XKR6: variants seen among roughly 807,000 people sequenced by gnomAD.
The protein encoded by XKR6 is XK-related protein 6.
Under a neutral mutation model 56.7 loss-of-function variants are expected in XKR6, and 22 were observed. The ratio of observed to expected loss-of-function variants is 0.39; its 90% CI spans 0.28 to 0.55. XKR6 has a LOEUF of 0.55. Ranked by LOEUF, XKR6 falls within the 20% of genes least tolerant of loss-of-function variation. XKR6 has a pLI of 0.66. For synonymous variants in XKR6, 524 were observed against 387.8 expected (o/e 1.35, Z -4.13); for missense variants, 852 against 889.0 (o/e 0.96, Z 0.53).
intron 2 of XKR6, among the ~76,000 whole-genome samples, chr8:10,911,562 CTATA>C: frequency 7.7e-6 from 1 of 130,300 alleles, no homozygotes; most frequent in East Asian, 2.2e-4. Flanking sequence ...GAGAGAATAT[CTATA>C]TATATATAGA....
At chr8:10,946,768 G>T (rs769859301) in intron 1 of XKR6, among the ~76,000 whole-genome samples, 3 of 152,154 alleles carry the variant, frequency 2.0e-5, no homozygotes, top group Non-Finnish European at 4.4e-5. Flanking sequence ...CAGACCAGTG[G>T]AGGAGACACG....
intron 2 of XKR6, among the ~76,000 whole-genome samples, chr8:10,909,810 ACT>A (rs1800296218): frequency 6.6e-6 from 1 of 152,158 alleles, no homozygotes; most frequent in African/African-American, 2.4e-5. Context: ...TGTATGCCAG[ACT>A]CTGTGCATAT....
At chr8:11,017,763 A>C (rs1798659553) in intron 1 of XKR6, among the ~76,000 whole-genome samples, 1 of 152,060 alleles carries the variant, frequency 6.6e-6, no homozygotes, top group Non-Finnish European at 1.5e-5. Flanking sequence ...AAGAAGAAAA[A>C]CCACATCAGT....
At chr8:10,928,712 G>C (rs1430023329) in intron 1 of XKR6, among the ~76,000 whole-genome samples, 1 of 151,028 alleles carries the variant, frequency 6.6e-6, no homozygotes, top group East Asian at 1.9e-4. Flanking sequence ...TGCAAGCCCA[G>C]AGGTGCGCTC....
intron 1 of XKR6, among the ~76,000 whole-genome samples, chr8:11,121,950 C>G (rs1799479479): frequency 6.6e-6 from 1 of 152,184 alleles, no homozygotes; most frequent in Non-Finnish European, 1.5e-5. Flanking sequence ...AAACCATATA[C>G]CACATGTTCT....
At chr8:10,941,914 G>T (rs1444587280) in intron 1 of XKR6, among the ~76,000 whole-genome samples, 1 of 151,608 alleles carries the variant, frequency 6.6e-6, no homozygotes, top group African/African-American at 2.4e-5. Flanking sequence ...CAGCAGCCAG[G>T]CCTGTGGGCT....
At chr8:10,968,154 C>T (rs1373705529) in intron 1 of XKR6, among the ~76,000 whole-genome samples, 1 of 152,186 alleles carries the variant, frequency 6.6e-6, no homozygotes, top group African/African-American at 2.4e-5. Context: ...GTCGCCTCTC[C>T]ATTCCTGGCC....
intron 1 of XKR6, chr8:11,107,920 C>A: frequency 3.9e-6 from 1 of 254,232 alleles, no homozygotes; most frequent in Non-Finnish European, 7.6e-6. Context: ...CTGCCTGGGA[C>A]GCCTCCCGCA....
At chr8:10,992,556 T>C (rs1258691471) in intron 1 of XKR6, among the ~76,000 whole-genome samples, 1 of 152,206 alleles carries the variant, frequency 6.6e-6, no homozygotes, top group Non-Finnish European at 1.5e-5. Flanking sequence ...CCTGCAAACC[T>C]TGCAGACAGA....
intron 1 of XKR6, among the ~76,000 whole-genome samples, chr8:10,996,869 G>A (rs1013258921): frequency 1.8e-4 from 28 of 152,130 alleles, no homozygotes; most frequent in Admixed American, 1.8e-3. Flanking sequence ...TCAGGAGGGT[G>A]AGGCAGGAGG....
intron 1 of XKR6, among the ~76,000 whole-genome samples, chr8:11,119,920 A>T (rs547763771): frequency 6.6e-6 from 1 of 152,214 alleles, no homozygotes; most frequent in Non-Finnish European, 1.5e-5. Context: ...TATAAACAGA[A>T]CCAAAGACAA....
At chr8:11,108,092 T>G (rs1435518796) in intron 1 of XKR6, 1 of 333,630 alleles carries the variant, frequency 3.0e-6, no homozygotes, top group Non-Finnish European at 5.8e-6. Flanking sequence ...GAATCCCAGA[T>G]CCGAAAACAG....
At chr8:11,119,907 G>A (rs1315393334) in intron 1 of XKR6, among the ~76,000 whole-genome samples, 1 of 152,118 alleles carries the variant, frequency 6.6e-6, no homozygotes, top group African/African-American at 2.4e-5. Context: ...ACGTAATCCA[G>A]CATATAAACA....
At chr8:11,031,335 T>C (rs1485228550) in intron 1 of XKR6, among the ~76,000 whole-genome samples, 8 of 152,256 alleles carry the variant, frequency 5.3e-5, no homozygotes, top group Non-Finnish European at 1.2e-4. Flanking sequence ...TTGGGTCTCC[T>C]GAGATCTCTC....
intron 1 of XKR6, among the ~76,000 whole-genome samples, chr8:11,169,620 G>C (rs745638209): frequency 2.0e-5 from 3 of 152,280 alleles, no homozygotes; most frequent in Non-Finnish European, 4.4e-5. Flanking sequence ...GTTTATCAGA[G>C]GCTGGAGAAA....
intron 1 of XKR6, among the ~76,000 whole-genome samples, chr8:11,101,071 C>A (rs904466520): frequency 3.9e-5 from 6 of 152,204 alleles, no homozygotes; most frequent in African/African-American, 1.2e-4. Context: ...AAAGCATACA[C>A]ACGTGCACAC....
intron 1 of XKR6, among the ~76,000 whole-genome samples, chr8:11,067,323 G>T (rs548418391): frequency 1.3e-5 from 2 of 152,098 alleles, no homozygotes; most frequent in Non-Finnish European, 2.9e-5. Context: ...CTTGCCTCCC[G>T]GACACCTGGA....
intron 1 of XKR6, among the ~76,000 whole-genome samples, chr8:11,013,174 G>C (rs978101346): frequency 2.0e-5 from 3 of 152,198 alleles, no homozygotes; most frequent in African/African-American, 7.2e-5. Flanking sequence ...GTGACCCTAA[G>C]AGCAGATACC....
chr8:10,986,597 G>A (rs1378897531), intron 1 of XKR6, among the ~76,000 whole-genome samples: 2 of 152,142 alleles, frequency 1.3e-5, no homozygotes, highest in East Asian at 1.9e-4. Flanking sequence ...GTGTGTGGGA[G>A]GCAGTAGAAT....
Sources: gnomAD v4.1 joint callset for allele counts (sites outside exome capture counted in the v4.1 genomes callset) on GRCh38, gnomAD v4.1.1 for gene constraint, MANE v1.5 for transcripts, NCBI Gene and HGNC (gene_info 2026-07-23, HGNC 2026-07-21) for gene names.